The following DLGAP4 variants were observed in gnomAD, a reference collection of about 807,000 sequenced individuals.
DLGAP4 encodes DLG associated protein 4.
A neutral mutation model predicts 86.9 loss-of-function variants in DLGAP4; 18 were observed. The observed-to-expected ratio is 0.21, with a 90% CI of 0.14 to 0.31. The LOEUF (loss-of-function observed/expected upper bound fraction) is 0.31. Ranked by LOEUF, DLGAP4 falls within the 10% of genes least tolerant of loss-of-function variation. The pLI, the probability that DLGAP4 is intolerant of heterozygous loss-of-function variation, is 1.00. For synonymous variants in DLGAP4, 548 were observed against 574.3 expected, an observed-to-expected ratio of 0.95 and a Z score of 0.65; for missense variants, 1,085 against 1,362.6, an observed-to-expected ratio of 0.80 and a Z score of 3.21.
intron 1 of DLGAP4, among the ~76,000 whole-genome samples, chr20:36,331,204 C>G (rs1354608537): frequency 1.3e-5 from 2 of 152,206 alleles, no homozygotes; most frequent in Non-Finnish European, 2.9e-5. Flanking sequence ...GCCCACACTC[C>G]AAAGATGCCT....
intron 10 of DLGAP4, among the ~76,000 whole-genome samples, chr20:36,511,306 G>C (rs2058385498): frequency 6.6e-6 from 1 of 152,104 alleles, no homozygotes. Context: ...GGGCTCAGGT[G>C]ATCCTCCTGC....
intron 10 of DLGAP4, among the ~76,000 whole-genome samples, chr20:36,518,572 C>T (rs1269470334): frequency 1.3e-5 from 2 of 152,138 alleles, no homozygotes; most frequent in African/African-American, 4.8e-5. Context: ...GCAACTTCCA[C>T]TGTGATTTCT....
At chr20:36,507,202 C>T (rs890389813) in intron 10 of DLGAP4, among the ~76,000 whole-genome samples, 4 of 151,690 alleles carry the variant, frequency 2.6e-5, no homozygotes, top group African/African-American at 9.7e-5. Context: ...GACTTGTGGG[C>T]ACAAAAGTTG....
In DLGAP4 at chr20:36,431,320, C is replaced by T. The variant is rs2033124685; in HGVS notation, c.-72-326C>T. Among the ~76,000 whole-genome samples the T allele has an allele frequency of 1.3e-5, 2 of 151,966 alleles. No individual in the cohort carries two copies. The highest frequency in any genetic ancestry group is 4.2e-4 in the South Asian group (2 of 4,812). On this transcript the variant is annotated intron_variant, in intron 2 of 12. Transcript: ENST00000339266. The surrounding 1 kb of genome is among the most constrained non-coding windows in gnomAD (Gnocchi z 5.1). ...CGGAAAGAGAGTGGAGGATGGGCAG[C>T]CCCCCACCCATATTTCATCATGGAA...
intron 1 of DLGAP4, among the ~76,000 whole-genome samples, chr20:36,307,415 C>A (rs2065014793): frequency 6.6e-6 from 1 of 152,154 alleles, no homozygotes; most frequent in African/African-American, 2.4e-5. Context: ...ATCCCTTCAT[C>A]CCTCCATCCC....
At chr20:36,489,448 C>T (rs1017494434) in intron 7 of DLGAP4, among the ~76,000 whole-genome samples, 2 of 152,178 alleles carry the variant, frequency 1.3e-5, no homozygotes, top group Admixed American at 6.5e-5. Flanking sequence ...TCTTCATCAG[C>T]CTGACACCTT....
chr20:36,501,348 G>A (rs999055696), intron 10 of DLGAP4, among the ~76,000 whole-genome samples: 2 of 152,234 alleles, frequency 1.3e-5, no homozygotes, highest in African/African-American at 2.4e-5. Flanking sequence ...TTACAGGCGT[G>A]AGCCACCACA....
chr20:36,422,004 G>A (rs183655822), intron 2 of DLGAP4, among the ~76,000 whole-genome samples: 1 of 152,230 alleles, frequency 6.6e-6, no homozygotes, highest in East Asian at 1.9e-4. Context: ...AGACGTCAGA[G>A]GAGAGAAGCC....
chr20:36,400,971 G>A (rs545042673), intron 2 of DLGAP4, among the ~76,000 whole-genome samples: 10 of 152,080 alleles, frequency 6.6e-5, no homozygotes, highest in East Asian at 3.9e-4. Flanking sequence ...CCCCTTTGCC[G>A]GAAAAACTGG....
chr20:36,388,589 C>T (rs1022573907), intron 2 of DLGAP4, among the ~76,000 whole-genome samples: 7 of 152,198 alleles, frequency 4.6e-5, no homozygotes, highest in African/African-American at 1.7e-4. Context: ...TATGTTTGAA[C>T]TTGAGTCAGA....
At chr20:36,398,100 G>A (rs528261180) in intron 2 of DLGAP4, among the ~76,000 whole-genome samples, 1 of 152,160 alleles carries the variant, frequency 6.6e-6, no homozygotes, top group Admixed American at 6.5e-5. Flanking sequence ...CAGCCTGGGC[G>A]ACAAAAAAAC....
intron 2 of DLGAP4, among the ~76,000 whole-genome samples, chr20:36,367,681 G>A (rs373103781): frequency 2.0e-5 from 3 of 152,298 alleles, no homozygotes; most frequent in Admixed American, 6.5e-5. Flanking sequence ...CCCCCAGGGC[G>A]GCTTGAGGGG....
intron 2 of DLGAP4, among the ~76,000 whole-genome samples, chr20:36,430,383 C>A (rs1160406162): frequency 6.6e-6 from 1 of 152,186 alleles, no homozygotes; most frequent in Non-Finnish European, 1.5e-5. Flanking sequence ...AGCAGTCATA[C>A]TTGGTAGACA....
rs113304817 is a variant in DLGAP4 at position 36,319,994 on chromosome 20, T to C, written c.-304+13482T>C. On this transcript the variant is annotated intron_variant, in intron 1 of 12. Transcript: ENST00000339266. ...TCCCACTCCCCCGGGCCTCCCTCTG[T>C]GTCCCTCTCCTCCAGGCCTCCCTCT... Among the ~76,000 whole-genome samples, 7 of 150,818 alleles carry C rather than the reference T, an allele frequency of 4.6e-5. No individual in the cohort carries two copies. The South Asian group carries it at 1.5e-3, about 32-fold the overall frequency.
Position 36,500,701 on chromosome 20 carries a change from T to TG in DLGAP4, c.2512+95dup, listed in dbSNP as rs2036108418. ...GGCCAGCAGCTTCCGAACTTCTGAG[T>TG]GGGGGTCTCTTAGGTTCTCTTCTTG... On this transcript the variant is annotated intron_variant, in intron 10 of 12. Coordinates refer to ENST00000339266, the MANE Select transcript of DLGAP4 (RefSeq NM_001365621.2). The surrounding 1 kb of genome is among the most constrained non-coding windows in gnomAD (Gnocchi z 4.6). 2 of 1,288,598 alleles carry TG rather than the reference T, an allele frequency of 1.6e-6. No individual in the cohort carries two copies. Among genetic ancestry groups the TG allele is most frequent in the Non-Finnish European group, 1.0e-6 (1 of 981,164 alleles). The allele number at this position is 1,288,598 out of a possible 1,614,324, so 79.8% of individuals were successfully genotyped here.
chr20:36,515,736 G>T (rs1282786860), intron 10 of DLGAP4, among the ~76,000 whole-genome samples: 2 of 152,098 alleles, frequency 1.3e-5, no homozygotes, highest in East Asian at 3.9e-4. Flanking sequence ...CCTTTTCTGA[G>T]GTGCCTTTTT....
At chr20:36,391,213 G>T (rs2031773272) in intron 2 of DLGAP4, among the ~76,000 whole-genome samples, 2 of 152,130 alleles carry the variant, frequency 1.3e-5, no homozygotes, top group Admixed American at 1.3e-4. Context: ...ATAGCCGTGG[G>T]AGATAGAACC....
intron 1 of DLGAP4, among the ~76,000 whole-genome samples, chr20:36,323,034 G>A (rs563051066): frequency 4.3e-4 from 65 of 151,960 alleles, no homozygotes; most frequent in African/African-American, 1.4e-3. Context: ...CACTAGCTGG[G>A]CATGGTGGTG....
At chr20:36,430,037 C>T (rs1246743428) in intron 2 of DLGAP4, among the ~76,000 whole-genome samples, 4 of 152,246 alleles carry the variant, frequency 2.6e-5, no homozygotes, top group Non-Finnish European at 5.9e-5. Context: ...GGTACTCCCA[C>T]GTACAGGGCC....
Sources: gnomAD v4.1 joint callset for allele counts (sites outside exome capture counted in the v4.1 genomes callset) on GRCh38, gnomAD v4.1.1 for gene constraint, Gnocchi (gnomAD v3.1) non-coding constraint, MANE v1.5 for transcripts, NCBI Gene and HGNC (gene_info 2026-07-23, HGNC 2026-07-21) for gene names.